The following RTF1 variants were observed in gnomAD, a reference collection of about 807,000 sequenced individuals.
The protein encoded by RTF1 is RNA polymerase-associated protein RTF1 homolog.
Under a neutral mutation model 95.7 loss-of-function variants are expected in RTF1, and 10 were observed. The observed-to-expected ratio is 0.10, with a 90% CI of 0.06 to 0.18. The LOEUF (loss-of-function observed/expected upper bound fraction) is 0.18. Among genes scored for constraint, RTF1 ranks in the 10% least tolerant of loss-of-function variants. RTF1 has a pLI of 1.00. For missense variants in RTF1, 458 were observed against 875.6 expected, an observed-to-expected ratio of 0.52 and a Z score of 6.02; for synonymous variants, 305 against 311.8, an observed-to-expected ratio of 0.98 and a Z score of 0.23.
chr15:41,475,509 T>A lies in RTF1; in HGVS notation c.1287-16T>A. On this transcript the variant is annotated splice_polypyrimidine_tract_variant and intron_variant, in intron 9 of 17. Transcript: ENST00000389629. ...ACATGCACATTTCTTGGAGATGCTG[T>A]CTCTCTTTTATGTAGGCATGGCAAT... 3.7e-6 allele frequency: 6 copies of A among 1,609,396 alleles called. No individual in the cohort carries two copies. Among genetic ancestry groups the A allele is most frequent in the Non-Finnish European group, 4.3e-6 (5 of 1,175,770 alleles).
At chr15:41,468,939 C>T (rs1369513291) in intron 6 of RTF1, among the ~76,000 whole-genome samples, 1 of 152,052 alleles carries the variant, frequency 6.6e-6, no homozygotes, top group East Asian at 1.9e-4. Flanking sequence ...TAATCCATTG[C>T]AGTTATTTTT....
intron 3 of RTF1, among the ~76,000 whole-genome samples, chr15:41,456,899 C>T (rs533666049): frequency 4.0e-5 from 6 of 151,898 alleles, no homozygotes; most frequent in African/African-American, 1.4e-4. Context: ...TCCTGGCCAA[C>T]ACGGTGAAAC....
chr15:41,455,187 A>T (rs750324285), intron 3 of RTF1, among the ~76,000 whole-genome samples: 1 of 151,604 alleles, frequency 6.6e-6, no homozygotes, highest in Non-Finnish European at 1.5e-5. Flanking sequence ...GGTGGTGCCT[A>T]CCTGTAATCC....
chr15:41,464,873 T>G lies in RTF1; in HGVS notation c.765T>G (p.Ile255Met). ...EEQEKKKLTQ[I>M]QESQVTSHNK... is the part of the protein sequence containing the mutation. ...AAGAAAAGAAAAAACTGACACAGAT[T>G]CAAGAATCTCAGGTAGGAGATTCAG... Residue 255 changes from isoleucine to methionine, a missense_variant, in exon 5 of 18, where the codon ATT becomes ATG. By Grantham distance (10) the Ile-to-Met change is conservative (BLOSUM62 1). Coordinates refer to ENST00000389629, the MANE Select transcript of RTF1 (RefSeq NM_015138.5). 1 of 1,528,784 alleles carries G rather than the reference T, an allele frequency of 6.5e-7. No individual in the cohort carries two copies. Among genetic ancestry groups the G allele is most frequent in the Non-Finnish European group, 8.8e-7 (1 of 1,141,734 alleles). The allele number at this position is 1,528,784 out of a possible 1,614,324, so 94.7% of individuals were successfully genotyped here. A position where few individuals can be genotyped will look rare whatever the true frequency, so the allele number is the denominator to read the frequency against.
intron 16 of RTF1, 62 bp downstream of exon 16, chr15:41,479,260 T>C: frequency 1.7e-6 from 2 of 1,161,672 alleles, no homozygotes; most frequent in South Asian, 2.5e-5. Context: ...ACCGAACAAG[T>C]ACCTTGTCTA....
At chr15:41,445,363 T>A (rs947155511) in intron 2 of RTF1, among the ~76,000 whole-genome samples, 2 of 152,224 alleles carry the variant, frequency 1.3e-5, no homozygotes, top group Non-Finnish European at 2.9e-5. Context: ...CATGGACTAG[T>A]TAATTGCTCA....
intron 9 of RTF1, 51 bp from the exon 10 acceptor site, chr15:41,475,474 A>C: frequency 1.4e-6 from 2 of 1,464,026 alleles, no homozygotes. Flanking sequence ...CTTTGCTTGT[A>C]CTACAGTCAA....
intron 1 of RTF1, among the ~76,000 whole-genome samples, chr15:41,432,476 C>A (rs931158311): frequency 6.6e-6 from 1 of 151,690 alleles, no homozygotes; most frequent in Admixed American, 6.6e-5. Context: ...GGATTACAGG[C>A]GTGAGCCACT....
intron 2 of RTF1, among the ~76,000 whole-genome samples, chr15:41,447,011 C>A (rs1020831602): frequency 6.6e-6 from 1 of 152,116 alleles, no homozygotes; most frequent in Non-Finnish European, 1.5e-5. Context: ...CCATGTTGGC[C>A]AGGCTGGTCT....
chr15:41,461,360 T>G (rs1291676468), intron 4 of RTF1, among the ~76,000 whole-genome samples: 1 of 152,112 alleles, frequency 6.6e-6, no homozygotes, highest in Non-Finnish European at 1.5e-5. Flanking sequence ...TTTTGTATTT[T>G]AAGTAGAGAC....
intron 4 of RTF1, among the ~76,000 whole-genome samples, chr15:41,461,672 G>A (rs185301116): frequency 3.0e-4 from 46 of 151,530 alleles, no homozygotes; most frequent in African/African-American, 1.1e-3. Flanking sequence ...TGTATTTTTA[G>A]TAGAGATGGG....
chr15:41,477,410 C>T (rs1204145296), intron 13 of RTF1, 48 bp from the exon 14 acceptor site: 3 of 1,612,160 alleles, frequency 1.9e-6, no homozygotes, highest in Non-Finnish European at 2.5e-6. Context: ...CAGTGGTTCC[C>T]TCCCTCCCTT....
At chr15:41,420,494 C>G (rs114009819) in intron 1 of RTF1, among the ~76,000 whole-genome samples, 2,318 of 152,210 alleles carry the variant, frequency 0.015, 57 homozygotes, top group African/African-American at 0.053. Context: ...TTGTGCTGCT[C>G]CATCTGGTTC....
chr15:41,480,365 G>T, intron 17 of RTF1, 40 bp downstream of exon 17: 1 of 1,367,982 alleles, frequency 7.3e-7, no homozygotes, highest in Non-Finnish European at 1.0e-6. Context: ...CTGAGAACCA[G>T]ATGGATCCAT....
chr15:41,472,327 C>T (rs2050916956), intron 8 of RTF1, among the ~76,000 whole-genome samples: 1 of 151,556 alleles, frequency 6.6e-6, no homozygotes, highest in Non-Finnish European at 1.5e-5. Flanking sequence ...CTGCCTCAGC[C>T]TCCCGAGTAG....
rs748571549 is a variant in RTF1, at chr15:41,482,516, C to G, written c.*1829C>G. 1 of 152,244 alleles carries G rather than the reference C, an allele frequency of 6.6e-6. No individual in the cohort carries two copies. The highest frequency in any genetic ancestry group is 6.6e-5 in the Admixed American group (1 of 15,260). 9.4% of individuals were successfully genotyped at this position (152,244 alleles called of 1,614,324 possible). ...TCTGGGTTTAGTAGAGCCTCAGTGT[C>G]GCTTTAACTTAGTTTACTTTTTTTT... On this transcript the variant is annotated 3_prime_UTR_variant, in exon 18 of 18. Coordinates refer to ENST00000389629, the MANE Select transcript of RTF1 (RefSeq NM_015138.5).
chr15:41,437,329 A>T (rs2050709649), intron 1 of RTF1, among the ~76,000 whole-genome samples: 1 of 149,970 alleles, frequency 6.7e-6, no homozygotes, highest in East Asian at 2.0e-4. Context: ...CCCCCTCTCT[A>T]CTAAAAATAC....
chr15:41,452,814 A>G (rs965426419), intron 2 of RTF1, 87 bp from the exon 3 acceptor site: 9 of 934,104 alleles, frequency 9.6e-6, no homozygotes, highest in African/African-American at 1.7e-5. Context: ...GATGAATGCC[A>G]GAGACTCTTA....
At chr15:41,417,725 C>A (rs1213554530) in intron 1 of RTF1, among the ~76,000 whole-genome samples, 2 of 152,106 alleles carry the variant, frequency 1.3e-5, no homozygotes, top group East Asian at 1.9e-4. Context: ...GCGCGTCGAG[C>A]AGTTGGGGGC....
Sources: allele counts gnomAD v4.1 joint callset (sites outside exome capture counted in the v4.1 genomes callset), GRCh38; gene constraint gnomAD v4.1.1; transcripts MANE v1.5; gene names NCBI Gene and HGNC (gene_info 2026-07-23, HGNC 2026-07-21).